The following ARMH4 variants were observed in gnomAD, a reference collection of about 807,000 sequenced individuals.
The protein encoded by ARMH4 is armadillo-like helical domain-containing protein 4.
In ARMH4, 49 loss-of-function variants were observed where a neutral mutation model predicts 61.9. That is an observed-to-expected ratio of 0.79 (90% CI 0.63 to 1.00). The LOEUF (loss-of-function observed/expected upper bound fraction) is 1.00, where lower values mean the gene tolerates loss of function less well. ARMH4 is among the 50% of genes least tolerant of loss of function. ARMH4 has a pLI of 0.00. For synonymous variants in ARMH4, 368 were observed against 341.5 expected, an observed-to-expected ratio of 1.08 and a Z score of -0.85; for missense variants, 934 against 930.0, an observed-to-expected ratio of 1.00 and a Z score of -0.06.
chr14:58,099,263 G>A (rs936143522), intron 4 of ARMH4, among the ~76,000 whole-genome samples: 6 of 152,170 alleles, frequency 3.9e-5, no homozygotes, highest in Non-Finnish European at 8.8e-5. Context: ...AGATTATCAA[G>A]AAGGTGAATA....
chr14:58,138,761 C>A lies in ARMH4; in HGVS notation c.598G>T (p.Val200Phe). 1 of 1,614,230 alleles carries A rather than the reference C, an allele frequency of 6.2e-7. No homozygotes were observed. Among genetic ancestry groups the A allele is most frequent in the Non-Finnish European group, 8.5e-7 (1 of 1,180,048 alleles). The change falls in exon 2 of 8, where the codon GTT becomes TTT. Residue 200 changes from valine (V) to phenylalanine (F), a missense_variant. Val to Phe is a conservative substitution (Grantham distance 50). Transcript: ENST00000267485. Reference protein sequence around the residue: ...QSFATESQEGVGLGHSPSSYV... With the variant: ...QSFATESQEGFGLGHSPSSYV... ...GATGAAGGTGAATGTCCCAAACCAA[C>A]TCCTTCCTGACTTTCAGTTGCAAAT...
intron 4 of ARMH4, among the ~76,000 whole-genome samples, chr14:58,101,787 T>C (rs1163280277): frequency 6.6e-6 from 1 of 152,100 alleles, no homozygotes; most frequent in East Asian, 1.9e-4. Flanking sequence ...CCACCATTGA[T>C]AGAAGAGAAA....
intron 5 of ARMH4, among the ~76,000 whole-genome samples, chr14:58,054,420 A>G (rs1176120094): frequency 6.6e-6 from 1 of 152,230 alleles, no homozygotes; most frequent in African/African-American, 2.4e-5. Flanking sequence ...AGCTGCCTGC[A>G]AGATTATATC....
intron 2 of ARMH4, among the ~76,000 whole-genome samples, chr14:58,136,620 TG>T (rs1429897391): frequency 6.6e-6 from 1 of 152,210 alleles, no homozygotes; most frequent in Non-Finnish European, 1.5e-5. Context: ...AACATATTAC[TG>T]ATTTGATATT....
In ARMH4 at chr14:58,133,143, G is replaced by C. The variant is rs1426872943; in HGVS notation, c.1568C>G (p.Thr523Arg). Residue 523 changes from threonine (T) to arginine (R), a missense_variant, in exon 3 of 8, where the codon ACA (threonine) becomes AGA (arginine). By Grantham distance (71) the Thr-to-Arg change is moderately conservative (BLOSUM62 -1). Transcript: ENST00000267485. Reference sequence around the variant, plus strand: ...CAAAGGGACGACTGTAGTTGAAATTGTAGTGGCCAGAGGCTCCCATCTTCT... The same window carrying C: ...CAAAGGGACGACTGTAGTTGAAATTCTAGTGGCCAGAGGCTCCCATCTTCT... ...LSRRWEPLAT[T>R]ISTTVVPLSF... The C allele has an allele frequency of 1.2e-6, 2 of 1,614,066 alleles. No individual in the cohort carries two copies. Among genetic ancestry groups the C allele is most frequent in the African/African-American group, 2.7e-5 (2 of 74,930 alleles).
In ARMH4 at chr14:58,004,710, A is replaced by T; in HGVS notation, c.*26T>A. The T allele has an allele frequency of 1.3e-6, 2 of 1,552,504 alleles. No homozygotes were observed. The highest frequency in any genetic ancestry group is 1.8e-6 in the Non-Finnish European group (2 of 1,132,436). On this transcript the variant is annotated 3_prime_UTR_variant, in exon 8 of 8. Coordinates refer to ENST00000267485, the MANE Select transcript of ARMH4 (RefSeq NM_001001872.4). ...AAAATTAGAATAGTAGCATCGTTGA[A>T]TATCCCAATTAAAACCCAGTCCAAT...
chr14:58,015,534 T>C (rs1179893047), intron 5 of ARMH4, among the ~76,000 whole-genome samples: 1 of 152,196 alleles, frequency 6.6e-6, no homozygotes, highest in Non-Finnish European at 1.5e-5. Context: ...GCTTAATAAG[T>C]ATTTTTCCTT....
At chr14:58,117,175 C>T (rs908208391) in intron 4 of ARMH4, among the ~76,000 whole-genome samples, 6 of 152,174 alleles carry the variant, frequency 3.9e-5, no homozygotes, top group African/African-American at 1.4e-4. Context: ...ATATACTTCC[C>T]TCTAGAAAAC....
At chr14:58,141,633 C>G (rs1166069150) in intron 1 of ARMH4, 2 of 438,094 alleles carry the variant, frequency 4.6e-6, no homozygotes, top group African/African-American at 4.1e-5. Context: ...GCGGCCACAC[C>G]AACAACCTGT....
At chr14:58,136,827 A>C (rs955697283) in intron 2 of ARMH4, among the ~76,000 whole-genome samples, 1 of 152,178 alleles carries the variant, frequency 6.6e-6, no homozygotes, top group African/African-American at 2.4e-5. Context: ...ACGGATGCAA[A>C]GGCCAAAAGA....
At position 58,096,790 on chromosome 14, in the gene ARMH4, G is replaced by A. The variant is rs1315462736; in HGVS notation, c.2023C>T (p.Leu675=). 2 of 1,614,080 alleles carry A rather than the reference G, an allele frequency of 1.2e-6. No individual in the cohort carries two copies. The highest frequency in any genetic ancestry group is 1.7e-6 in the Non-Finnish European group (2 of 1,180,010). The part of the protein sequence containing the change: ...EPGLEEGNMD[L]LEGATYQVPD... ...ACCTGGTAGGTAGCTCCCTCCAACAGGTCCATGTTTCCCTCCTCTAAGCCT... is the reference window on the plus strand; with the variant it reads ...ACCTGGTAGGTAGCTCCCTCCAACAAGTCCATGTTTCCCTCCTCTAAGCCT... Residue 675 remains leucine, a synonymous_variant, in exon 5 of 8, where the codon CTG becomes TTG. Coordinates refer to ENST00000267485, the MANE Select transcript of ARMH4 (RefSeq NM_001001872.4).
At chr14:58,061,482 C>G (rs1427270395) in intron 5 of ARMH4, among the ~76,000 whole-genome samples, 2 of 152,184 alleles carry the variant, frequency 1.3e-5, no homozygotes, top group African/African-American at 4.8e-5. Context: ...GACACTGTAG[C>G]TTTCCATCAG....
At chr14:58,097,672 G>GT (rs1280685332) in intron 4 of ARMH4, among the ~76,000 whole-genome samples, 1 of 138,712 alleles carries the variant, frequency 7.2e-6, no homozygotes, top group Non-Finnish European at 1.5e-5. Context: ...ACAATTCGTC[G>GT]TTTTCTTGAT....
intron 5 of ARMH4, among the ~76,000 whole-genome samples, chr14:58,087,997 G>T (rs1290307113): frequency 6.6e-6 from 1 of 152,168 alleles, no homozygotes; most frequent in African/African-American, 2.4e-5. Context: ...TTCTGTGTTT[G>T]TAGTTCACAG....
intron 5 of ARMH4, among the ~76,000 whole-genome samples, chr14:58,091,015 G>A (rs191461788): frequency 2.0e-3 from 304 of 151,816 alleles, no homozygotes; most frequent in Non-Finnish European, 3.8e-3. Flanking sequence ...TCAGGAGTTC[G>A]AGATCAGCCT....
Position 58,133,353 on chromosome 14 carries a change from GA to G in ARMH4, c.1370-13del, listed in dbSNP as rs774957323. The G allele has an allele frequency of 1.9e-6, 3 of 1,573,260 alleles. No individual in the cohort carries two copies. The highest frequency in any genetic ancestry group is 2.6e-6 in the Non-Finnish European group (3 of 1,158,766). On this transcript the variant is annotated splice_polypyrimidine_tract_variant and intron_variant, in intron 2 of 7. Transcript: ENST00000267485. Reference sequence around the variant, plus strand: ...TTGAGTGATGATGTCTTAAAGGGGGGAAAACATTTAAAAATAGACCAAATCC... The same window carrying G: ...TTGAGTGATGATGTCTTAAAGGGGGGAAACATTTAAAAATAGACCAAATCC...
intron 4 of ARMH4, among the ~76,000 whole-genome samples, chr14:58,111,437 G>A (rs1886348816): frequency 6.6e-6 from 1 of 152,054 alleles, no homozygotes; most frequent in Admixed American, 6.6e-5. Context: ...AACTAAGAAG[G>A]GACAACTTGA....
chr14:58,126,392 T>C (rs1231864102), intron 4 of ARMH4, among the ~76,000 whole-genome samples: 1 of 152,032 alleles, frequency 6.6e-6, no homozygotes, highest in East Asian at 1.9e-4. Flanking sequence ...AAACCCCAGA[T>C]AAGGAAAGAG....
chr14:58,007,776 C>T (rs560390111), intron 6 of ARMH4, among the ~76,000 whole-genome samples: 10 of 152,208 alleles, frequency 6.6e-5, no homozygotes, highest in South Asian at 2.1e-4. Context: ...ACACATGCCC[C>T]GAGATGTGAC....
Sources: gnomAD v4.1 joint callset for allele counts (sites outside exome capture counted in the v4.1 genomes callset) on GRCh38, gnomAD v4.1.1 for gene constraint, MANE v1.5 for transcripts, NCBI Gene and HGNC (gene_info 2026-07-23, HGNC 2026-07-21) for gene names.